CRPPA: variants seen among roughly 807,000 people sequenced by gnomAD.
The protein encoded by CRPPA is D-ribitol-5-phosphate cytidylyltransferase.
CRPPA carries 43 observed loss-of-function variants against 52.0 expected under a neutral mutation model. That is an observed-to-expected ratio of 0.83 (90% CI 0.65 to 1.07). CRPPA has a LOEUF of 1.07. Among genes scored for constraint, CRPPA ranks in the 50% least tolerant of loss-of-function variants. The probability of loss-of-function intolerance (pLI) is 0.00; values close to 1 mark genes in which losing one functional copy is unlikely to be tolerated. For missense variants in CRPPA, 629 were observed against 551.7 expected (o/e 1.14, Z -1.40); for synonymous variants, 250 against 203.5 (o/e 1.23, Z -1.94).
At chr7:16,132,050 G>A (rs1394698514) in intron 9 of CRPPA, among the ~76,000 whole-genome samples, 2 of 152,178 alleles carry the variant, frequency 1.3e-5, no homozygotes, top group Non-Finnish European at 2.9e-5. Flanking sequence ...GATGCAGTGG[G>A]TGGGAATACC....
chr7:16,419,488 G>T (rs1019438230), intron 1 of CRPPA, among the ~76,000 whole-genome samples: 4 of 152,048 alleles, frequency 2.6e-5, no homozygotes, highest in Non-Finnish European at 5.9e-5. Flanking sequence ...GCCTTCACAG[G>T]ACTAACAAAT....
At chr7:16,228,676 A>G (rs1425310471) in intron 8 of CRPPA, among the ~76,000 whole-genome samples, 1 of 151,864 alleles carries the variant, frequency 6.6e-6, no homozygotes, top group Admixed American at 6.6e-5. Flanking sequence ...TATAATTTCA[A>G]TCTTAAGTAT....
At chr7:16,190,864 G>A (rs1038250311) in intron 9 of CRPPA, among the ~76,000 whole-genome samples, 1 of 151,926 alleles carries the variant, frequency 6.6e-6, no homozygotes, top group Non-Finnish European at 1.5e-5. Flanking sequence ...AAAACATGAC[G>A]TTTGGTTTTC....
At chr7:16,255,636 C>T (rs368784909) in intron 8 of CRPPA, among the ~76,000 whole-genome samples, 1 of 152,090 alleles carries the variant, frequency 6.6e-6, no homozygotes, top group Non-Finnish European at 1.5e-5. Context: ...AGAAATAATA[C>T]CACACATCTA....
At chr7:16,158,593 C>T (rs552603086) in intron 9 of CRPPA, among the ~76,000 whole-genome samples, 1 of 152,230 alleles carries the variant, frequency 6.6e-6, no homozygotes, top group South Asian at 2.1e-4. Context: ...ATATGAACTT[C>T]ATGTATTGTA....
chr7:16,393,305 T>G lies in CRPPA; in HGVS notation c.534+12756A>C, dbSNP rs538342647. 2.0e-5 allele frequency among the ~76,000 whole-genome samples: 3 copies of G among 152,270 alleles called. No homozygotes were observed. The East Asian group carries it at 5.8e-4, about 29-fold the overall frequency. The stretch of plus-strand genomic sequence containing the variant: ...AACAGAAGTGGTTTATGAAGTATAC[T>G]TAAGAACAGCAGGGAAAGGGACTTG... On this transcript the variant is annotated intron_variant, in intron 2 of 9. Coordinates refer to ENST00000407010, the MANE Select transcript of CRPPA (RefSeq NM_001101426.4).
intron 8 of CRPPA, among the ~76,000 whole-genome samples, chr7:16,252,972 G>C (rs1464086100): frequency 6.6e-6 from 1 of 152,016 alleles, no homozygotes; most frequent in Non-Finnish European, 1.5e-5. Context: ...ATTTTTAATT[G>C]CTTCTATTTG....
In CRPPA at chr7:16,421,201, C is replaced by A; in HGVS notation, c.122G>T (p.Gly41Val). 1 of 1,343,166 alleles carries A rather than the reference C, an allele frequency of 7.4e-7. No individual in the cohort carries two copies. Among genetic ancestry groups the A allele is most frequent in the Non-Finnish European group, 9.6e-7 (1 of 1,041,418 alleles). 83.2% of individuals were successfully genotyped at this position (1,343,166 alleles called of 1,614,324 possible). A position where few individuals can be genotyped will look rare whatever the true frequency, so the allele number is the denominator to read the frequency against. ...AGCTGCCACGGCTTGCGGGTGGCGC[C>A]CGGGCTCGGTCCCGGCCACGCTCTG... ...SLQSVAGTEPGRHPQAVAAVL... is the reference protein window; with the variant it reads ...SLQSVAGTEPVRHPQAVAAVL... Residue 41 changes from glycine to valine, a missense_variant, in exon 1 of 10, where the codon GGG becomes GTG. Physicochemically the swap from Gly to Val is moderately radical, Grantham distance 109. Coordinates refer to ENST00000407010, the MANE Select transcript of CRPPA (RefSeq NM_001101426.4).
At chr7:16,208,303 G>T (rs1782022593) in intron 9 of CRPPA, among the ~76,000 whole-genome samples, 1 of 152,032 alleles carries the variant, frequency 6.6e-6, no homozygotes, top group Non-Finnish European at 1.5e-5. Context: ...CTCTATTTTT[G>T]CCAGTTTAAT....
chr7:16,193,941 C>G lies in CRPPA; in HGVS notation c.1251+22125G>C, dbSNP rs73681768. ...CATTTCATCAGCAACCTTCTTCAAC[C>G]AAATAGCTGTGACTCTCATTTTTTA... On this transcript the variant is annotated intron_variant, in intron 9 of 9. Transcript: ENST00000407010. 3.3e-3 allele frequency among the ~76,000 whole-genome samples: 497 copies of G among 152,170 alleles called. 2 individuals are homozygous for G. Among genetic ancestry groups the G allele is most frequent in the African/African-American group, 0.011 (473 of 41,522 alleles).
intron 9 of CRPPA, among the ~76,000 whole-genome samples, chr7:16,106,496 G>C (rs530096713): frequency 1.3e-5 from 2 of 152,160 alleles, no homozygotes; most frequent in Non-Finnish European, 2.9e-5. Context: ...AGACAGCAGA[G>C]CCCAACCAGT....
intron 8 of CRPPA, among the ~76,000 whole-genome samples, chr7:16,240,698 T>C (rs930232064): frequency 6.6e-6 from 1 of 152,100 alleles, no homozygotes; most frequent in Non-Finnish European, 1.5e-5. Flanking sequence ...AGAACTAAAA[T>C]AGCCAGCTCT....
intron 8 of CRPPA, among the ~76,000 whole-genome samples, chr7:16,227,813 T>C (rs978621537): frequency 1.3e-5 from 2 of 151,892 alleles, no homozygotes; most frequent in Non-Finnish European, 2.9e-5. Flanking sequence ...TAATAAGTCA[T>C]TGCCCAGATC....
intron 9 of CRPPA, among the ~76,000 whole-genome samples, chr7:16,173,667 G>A (rs1301518020): frequency 6.6e-6 from 1 of 152,122 alleles, no homozygotes; most frequent in African/African-American, 2.4e-5. Context: ...TAAAATGAGA[G>A]AGCACTCACA....
At chr7:16,110,180 C>T (rs1782231951) in intron 9 of CRPPA, among the ~76,000 whole-genome samples, 1 of 151,940 alleles carries the variant, frequency 6.6e-6, no homozygotes, top group Admixed American at 6.6e-5. Flanking sequence ...CAGTCACATT[C>T]ATGATAGCTG....
At chr7:16,352,145 C>A (rs906403348) in intron 3 of CRPPA, among the ~76,000 whole-genome samples, 1 of 151,974 alleles carries the variant, frequency 6.6e-6, no homozygotes, top group African/African-American at 2.4e-5. Context: ...CCATCATTCT[C>A]AGCAAACTGA....
At chr7:16,316,337 C>A (rs1040720148) in intron 3 of CRPPA, among the ~76,000 whole-genome samples, 8 of 151,998 alleles carry the variant, frequency 5.3e-5, no homozygotes, top group Admixed American at 2.6e-4. Context: ...ATTTTTGTAC[C>A]CTTTGCCATG....
intron 8 of CRPPA, among the ~76,000 whole-genome samples, chr7:16,246,044 C>A (rs1783264116): frequency 6.6e-6 from 1 of 152,036 alleles, no homozygotes; most frequent in Admixed American, 6.6e-5. Flanking sequence ...TCCTTCTTTT[C>A]ATAAAAAAAA....
At chr7:16,386,719 C>T (rs889837960) in intron 2 of CRPPA, among the ~76,000 whole-genome samples, 4 of 152,046 alleles carry the variant, frequency 2.6e-5, no homozygotes, top group African/African-American at 4.8e-5. Context: ...ATACAACAAA[C>T]TCTATAAATA....
Sources: allele counts gnomAD v4.1 joint callset (sites outside exome capture counted in the v4.1 genomes callset), GRCh38; gene constraint gnomAD v4.1.1; transcripts MANE v1.5; gene names NCBI Gene and HGNC (gene_info 2026-07-23, HGNC 2026-07-21).